DNAJA1: variants seen among roughly 807,000 people sequenced by gnomAD.
DNAJA1 encodes the protein DnaJ heat shock protein family (Hsp40) member A1.
DNAJA1 carries 26 observed loss-of-function variants against 47.6 expected under a neutral mutation model. That is an observed-to-expected ratio of 0.55 (90% CI 0.40 to 0.76). The LOEUF (loss-of-function observed/expected upper bound fraction) is 0.76, where lower values mean the gene tolerates loss of function less well. Among genes scored for constraint, DNAJA1 ranks in the 30% least tolerant of loss-of-function variants. DNAJA1 has a pLI of 0.00. For synonymous variants in DNAJA1, 165 were observed against 158.4 expected, an observed-to-expected ratio of 1.04 and a Z score of -0.31; for missense variants, 315 against 485.0, an observed-to-expected ratio of 0.65 and a Z score of 3.29.
intron 3 of DNAJA1, among the ~76,000 whole-genome samples, chr9:33,028,922 G>T (rs1320882343): frequency 6.6e-6 from 1 of 152,208 alleles, no homozygotes; most frequent in Admixed American, 6.5e-5. Flanking sequence ...GTACAGAAAC[G>T]AGTTTGAGAA....
At chr9:33,033,891 A>G (rs917024691) in intron 5 of DNAJA1, among the ~76,000 whole-genome samples, 1 of 152,206 alleles carries the variant, frequency 6.6e-6, no homozygotes, top group Non-Finnish European at 1.5e-5. Context: ...ATACCTGTTG[A>G]GTTAATACTC....
At chr9:33,035,660 G>T (rs1326128897) in intron 6 of DNAJA1, among the ~76,000 whole-genome samples, 1 of 151,820 alleles carries the variant, frequency 6.6e-6, no homozygotes, top group African/African-American at 2.4e-5. Flanking sequence ...AGTAGAGACG[G>T]GTTTCACCAT....
intron 5 of DNAJA1, 141 bp from the exon 6 acceptor site, chr9:33,034,075 A>G (rs1839000339): frequency 3.7e-6 from 2 of 544,470 alleles, no homozygotes; most frequent in Middle Eastern, 4.8e-4. Context: ...TTCAGGAGCA[A>G]ATTGGACTGA....
At chr9:33,030,349 A>G in intron 4 of DNAJA1, 91 bp from the exon 5 acceptor site, 2 of 1,254,036 alleles carry the variant, frequency 1.6e-6, no homozygotes, top group East Asian at 5.1e-5. Flanking sequence ...AAAATATTAA[A>G]AGTATAGCAT....
intron 7 of DNAJA1, 110 bp from the exon 8 acceptor site, chr9:33,036,905 C>A: frequency 2.0e-6 from 2 of 1,019,954 alleles, no homozygotes; most frequent in Non-Finnish European, 2.9e-6. Context: ...TGCTTTGCCA[C>A]GTAAGTTTTA....
intron 4 of DNAJA1, 106 bp from the exon 5 acceptor site, chr9:33,030,334 C>T: frequency 1.8e-6 from 2 of 1,089,744 alleles, no homozygotes; most frequent in South Asian, 1.6e-5. Flanking sequence ...TTCCATCAGG[C>T]TTCGAAAATA....
At chr9:33,031,829 C>G (rs1838965865) in intron 5 of DNAJA1, among the ~76,000 whole-genome samples, 1 of 152,178 alleles carries the variant, frequency 6.6e-6, no homozygotes, top group African/African-American at 2.4e-5. Context: ...GACTACCTTT[C>G]ATTTTTTTAG....
At chr9:33,035,538 TGGCTCACTGCAA>T (rs1449056676) in intron 6 of DNAJA1, among the ~76,000 whole-genome samples, 9 of 152,262 alleles carry the variant, frequency 5.9e-5, no homozygotes, top group African/African-American at 2.2e-4. Flanking sequence ...GGTGAGATCT[TGGCTCACTGCAA>T]CCTCCAACTC....
intron 1 of DNAJA1, among the ~76,000 whole-genome samples, chr9:33,026,022 C>A (rs568963950): frequency 1.3e-5 from 2 of 152,180 alleles, no homozygotes; most frequent in Admixed American, 1.3e-4. Flanking sequence ...GTAACCTGTT[C>A]TATAAACCAC....
At chr9:33,032,632 A>G (rs1294560011) in intron 5 of DNAJA1, among the ~76,000 whole-genome samples, 4 of 152,096 alleles carry the variant, frequency 2.6e-5, no homozygotes, top group Admixed American at 6.6e-5. Flanking sequence ...TGCTGTGCCT[A>G]CTCTTACTCT....
chr9:33,038,993 CTTG>C lies in DNAJA1; in HGVS notation c.*93_*95del. The C allele has an allele frequency of 8.1e-7, 1 of 1,235,834 alleles. No homozygotes were observed. Among genetic ancestry groups the C allele is most frequent in the Non-Finnish European group, 1.1e-6 (1 of 881,514 alleles). The allele number at this position is 1,235,834 out of a possible 1,614,324, so 76.6% of individuals were successfully genotyped here. On this transcript the variant is annotated 3_prime_UTR_variant, in exon 9 of 9. Transcript: ENST00000330899. ...AATCATAATATGCTCACTACTTGCT[CTTG>C]TTTTTGTTTTAATAAACTATAGTAG...
chr9:33,028,743 T>A (rs1056048574), intron 3 of DNAJA1, among the ~76,000 whole-genome samples: 1 of 152,218 alleles, frequency 6.6e-6, no homozygotes, highest in Non-Finnish European at 1.5e-5. Context: ...GAAATGCGCT[T>A]CATCAAGCTC....
At chr9:33,027,329 A>G (rs1271181633) in intron 3 of DNAJA1, among the ~76,000 whole-genome samples, 1 of 151,626 alleles carries the variant, frequency 6.6e-6, no homozygotes, top group Non-Finnish European at 1.5e-5. Flanking sequence ...CTAATTTTGT[A>G]TTTTTAGTAG....
chr9:33,035,643 TATTTTTAGTA>T lies in DNAJA1; in HGVS notation c.759-930_759-921del, dbSNP rs1250134993. ...CACCACCACGCCCAGCTGATTTTTG[TATTTTTAGTA>T]GAGACGGGTTTCACCATGTTGGCCA... On this transcript the variant is annotated intron_variant, in intron 6 of 8. Coordinates refer to ENST00000330899, the MANE Select transcript of DNAJA1 (RefSeq NM_001539.4). 2.0e-5 allele frequency among the ~76,000 whole-genome samples: 3 copies of T among 151,826 alleles called. No homozygotes were observed. In the East Asian group the frequency reaches 5.8e-4, roughly 30 times the overall value.
Position 33,026,945 on chromosome 9 carries a change from GAT to G in DNAJA1, c.268_269del (p.Met90ValfsTer15). On this transcript the variant is annotated frameshift_variant, in exon 3 of 9. Coordinates refer to ENST00000330899, the MANE Select transcript of DNAJA1 (RefSeq NM_001539.4). LOFTEE classifies it high-confidence loss of function. ...TTTTGGCTCCCCCATGGACATCTTT[GAT>G]ATGTTTTTTGGAGGAGGAGGAAGGA... ...GGFGSPMDIFDMFFGGGGRMQ... is the reference protein window; with the variant it reads ...GGFGSPMDIFXMFFGGGGRMQ... 1 of 1,614,152 alleles carries G rather than the reference GAT, an allele frequency of 6.2e-7. No individual in the cohort carries two copies. Among genetic ancestry groups the G allele is most frequent in the Non-Finnish European group, 8.5e-7 (1 of 1,180,034 alleles).
Position 33,037,089 on chromosome 9 carries a change from A to G in DNAJA1, c.949A>G (p.Lys317Glu), listed in dbSNP as rs374650095. 1 of 1,613,952 alleles carries G rather than the reference A, an allele frequency of 6.2e-7. No individual in the cohort carries two copies. Residue 317 changes from lysine (K) to glutamate (E), a missense_variant, in exon 8 of 9, where the codon AAG becomes GAG. Physicochemically the swap from Lys to Glu is moderately conservative, Grantham distance 56. Around this residue, in one of 4 missense-constraint regions of DNAJA1, gnomAD observed 162 missense variants for 185.4 expected, o/e 0.87. Coordinates refer to ENST00000330899, the MANE Select transcript of DNAJA1 (RefSeq NM_001539.4). The stretch of plus-strand genomic sequence containing the variant: ...GCCAATTTATCGTAGACCATATGAA[A>G]AGGGTCGCCTAATCATCGAATTTAA... ...GMPIYRRPYE[K>E]GRLIIEFKVN... is the part of the protein sequence containing the mutation.
Position 33,029,995 on chromosome 9 carries a change from G to C in DNAJA1, c.415+6G>C. On this transcript the variant is annotated splice_donor_region_variant and intron_variant, in intron 4 of 8. Transcript: ENST00000330899. ...GATTTGTGACAAATGTGAAGGTACGGTGTTTTTTTGTTTTGTTTTGTTTTG... is the reference window on the plus strand; with the variant it reads ...GATTTGTGACAAATGTGAAGGTACGCTGTTTTTTTGTTTTGTTTTGTTTTG... 6.2e-7 allele frequency: 1 copy of C among 1,607,438 alleles called. No homozygotes were observed. The highest frequency in any genetic ancestry group is 1.1e-5 in the South Asian group (1 of 89,384).
At chr9:33,026,412 G>T (rs1838851743) in intron 1 of DNAJA1, 63 bp from the exon 2 acceptor site, 1 of 1,556,030 alleles carries the variant, frequency 6.4e-7, no homozygotes, top group Non-Finnish European at 8.6e-7. Flanking sequence ...CTCGGCCTTA[G>T]CTCTCTTTTT....
intron 5 of DNAJA1, among the ~76,000 whole-genome samples, chr9:33,033,359 C>G (rs1838989609): frequency 6.6e-6 from 1 of 151,992 alleles, no homozygotes; most frequent in Non-Finnish European, 1.5e-5. Context: ...CTCGGCCTCT[C>G]AAAGTATAAT....
Sources: gnomAD v4.1 joint callset for allele counts (sites outside exome capture counted in the v4.1 genomes callset) on GRCh38, gnomAD v4.1.1 for gene constraint, gnomAD v4.1.1 regional missense constraint, MANE v1.5 for transcripts, NCBI Gene and HGNC (gene_info 2026-07-23, HGNC 2026-07-21) for gene names.